Variants in DENND1A observed in about 807,000 individuals in gnomAD.
DENND1A encodes DENN domain-containing protein 1A.
Under a neutral mutation model 113.7 loss-of-function variants are expected in DENND1A, and 51 were observed. That is an observed-to-expected ratio of 0.45 (90% CI 0.36 to 0.57). The LOEUF is 0.57. Ranked by LOEUF, DENND1A falls within the 20% of genes least tolerant of loss-of-function variation. The probability of loss-of-function intolerance (pLI) is 0.00; values close to 1 mark genes in which losing one functional copy is unlikely to be tolerated. For synonymous variants in DENND1A, 565 were observed against 570.8 expected, an observed-to-expected ratio of 0.99 and a Z score of 0.14; for missense variants, 1,258 against 1,395.9, an observed-to-expected ratio of 0.90 and a Z score of 1.57.
At chr9:123,846,656 T>C (rs981571840) in intron 2 of DENND1A, among the ~76,000 whole-genome samples, 1 of 152,142 alleles carries the variant, frequency 6.6e-6, no homozygotes, top group African/African-American at 2.4e-5. Flanking sequence ...GGCAAATTCA[T>C]AGAGACAGAA....
chr9:123,610,181 G>C (rs964590062), intron 10 of DENND1A, among the ~76,000 whole-genome samples: 8 of 152,192 alleles, frequency 5.3e-5, no homozygotes, highest in Non-Finnish European at 1.2e-4. Flanking sequence ...TTAAAACCTG[G>C]GCATTTTGGA....
intron 9 of DENND1A, among the ~76,000 whole-genome samples, chr9:123,641,213 T>A (rs2139057967): frequency 6.6e-6 from 1 of 152,334 alleles, no homozygotes; most frequent in South Asian, 2.1e-4. Context: ...CAGCCATGTC[T>A]GCCAAAGTGG....
At chr9:123,423,092 G>A (rs534123950) in intron 19 of DENND1A, among the ~76,000 whole-genome samples, 1 of 152,286 alleles carries the variant, frequency 6.6e-6, no homozygotes, top group East Asian at 1.9e-4. Flanking sequence ...CCACTCCAGC[G>A]GCCATTCTGT....
At chr9:123,416,690 GC>G (rs1245901454) in intron 19 of DENND1A, among the ~76,000 whole-genome samples, 5 of 152,224 alleles carry the variant, frequency 3.3e-5, no homozygotes, top group Non-Finnish European at 7.3e-5. Context: ...GGGAGAGAGG[GC>G]CGGCGAAGCG....
At chr9:123,842,980 A>G in intron 2 of DENND1A, 1 of 393,728 alleles carries the variant, frequency 2.5e-6, no homozygotes. Flanking sequence ...AGTAGGATGC[A>G]GTAGTTCCCC....
At chr9:123,688,163 A>C (rs1489660907) in intron 5 of DENND1A, among the ~76,000 whole-genome samples, 1 of 152,232 alleles carries the variant, frequency 6.6e-6, no homozygotes, top group Non-Finnish European at 1.5e-5. Context: ...ACCGAATGGC[A>C]AAACTGACAC....
chr9:123,740,312 A>C lies in DENND1A; in HGVS notation c.302+17391T>G, dbSNP rs182455467. On this transcript the variant is annotated intron_variant, in intron 5 of 23. Coordinates refer to ENST00000394215, the MANE Select transcript of DENND1A (RefSeq NM_001352964.2). ...GCAAAAATAGAAATCTGGTTTTCTTAATAACCTGTCTAAATATATTTTCTA... is the reference window on the plus strand; with the variant it reads ...GCAAAAATAGAAATCTGGTTTTCTTCATAACCTGTCTAAATATATTTTCTA... Among the ~76,000 whole-genome samples the C allele has an allele frequency of 1.8e-4, 28 of 152,340 alleles. 1 individual carries two copies. The East Asian group carries it at 5.2e-3, about 28-fold the overall frequency.
intron 13 of DENND1A, among the ~76,000 whole-genome samples, chr9:123,540,668 A>C (rs1392448724): frequency 1.3e-5 from 2 of 152,214 alleles, no homozygotes; most frequent in Non-Finnish European, 2.9e-5. Flanking sequence ...TGCTTTCTGC[A>C]TCAAGACTAA....
intron 18 of DENND1A, among the ~76,000 whole-genome samples, chr9:123,442,322 C>T: frequency 6.6e-6 from 1 of 152,088 alleles, no homozygotes. Flanking sequence ...CCAGTCTCAG[C>T]CAGGCTGAGG....
At chr9:123,888,001 C>A (rs939416553) in intron 1 of DENND1A, among the ~76,000 whole-genome samples, 1 of 152,154 alleles carries the variant, frequency 6.6e-6, no homozygotes, top group African/African-American at 2.4e-5. Flanking sequence ...ACATATTTCC[C>A]AGCTCTGGCT....
At chr9:123,643,221 G>A (rs887452721) in intron 9 of DENND1A, among the ~76,000 whole-genome samples, 1 of 152,234 alleles carries the variant, frequency 6.6e-6, no homozygotes, top group South Asian at 2.1e-4. Context: ...TTTTGTTGAC[G>A]CAGTTAGGAA....
At chr9:123,399,748 CA>C (rs1474212134) in intron 21 of DENND1A, among the ~76,000 whole-genome samples, 1 of 152,200 alleles carries the variant, frequency 6.6e-6, no homozygotes, top group African/African-American at 2.4e-5. Context: ...TCTCTCTGGG[CA>C]AAGCCAGACT....
chr9:123,756,830 T>C (rs376966019), intron 5 of DENND1A, among the ~76,000 whole-genome samples: 93 of 152,208 alleles, frequency 6.1e-4, no homozygotes, highest in South Asian at 3.1e-3. Flanking sequence ...CTGGAATCCA[T>C]AGAGGGTCTG....
At chr9:123,853,604 C>T (rs190093947) in intron 2 of DENND1A, among the ~76,000 whole-genome samples, 520 of 152,090 alleles carry the variant, frequency 3.4e-3, no homozygotes, top group Non-Finnish European at 5.9e-3. Context: ...ACAGAGGTTG[C>T]AGTGAGCCGA....
intron 13 of DENND1A, among the ~76,000 whole-genome samples, chr9:123,477,370 G>A (rs2049996473): frequency 6.6e-6 from 1 of 152,020 alleles, no homozygotes; most frequent in South Asian, 2.1e-4. Flanking sequence ...GGGCAACAGA[G>A]TGAGATCCCA....
chr9:123,736,804 T>A (rs1480457139), intron 5 of DENND1A, among the ~76,000 whole-genome samples: 1 of 152,208 alleles, frequency 6.6e-6, no homozygotes, highest in African/African-American at 2.4e-5. Context: ...CTGACAACCC[T>A]CATTTTTCAG....
intron 1 of DENND1A, among the ~76,000 whole-genome samples, chr9:123,882,085 C>T (rs561324052): frequency 4.7e-4 from 72 of 152,216 alleles, no homozygotes; most frequent in African/African-American, 1.7e-3. Context: ...CCACTCATTG[C>T]TTAGATGATC....
chr9:123,673,441 G>A (rs558697174), intron 6 of DENND1A, among the ~76,000 whole-genome samples: 4 of 152,308 alleles, frequency 2.6e-5, no homozygotes, highest in African/African-American at 9.6e-5. Flanking sequence ...TCATGATCAT[G>A]TTTTTAGCAA....
chr9:123,854,273 C>G (rs1843810797), intron 2 of DENND1A, among the ~76,000 whole-genome samples: 1 of 152,226 alleles, frequency 6.6e-6, no homozygotes, highest in African/African-American at 2.4e-5. Context: ...GAACTTCAGA[C>G]TGTTCCTTGA....
Sources: gnomAD v4.1 joint callset for allele counts (sites outside exome capture counted in the v4.1 genomes callset) on GRCh38, gnomAD v4.1.1 for gene constraint, MANE v1.5 for transcripts, NCBI Gene and HGNC (gene_info 2026-07-23, HGNC 2026-07-21) for gene names.